The following PIAS2 variants were observed in gnomAD, a reference collection of about 807,000 sequenced individuals.
The protein encoded by PIAS2 is protein inhibitor of activated STAT 2.
PIAS2 carries 19 observed loss-of-function variants against 69.7 expected under a neutral mutation model. The ratio of observed to expected loss-of-function variants is 0.27; its 90% CI spans 0.19 to 0.40. The LOEUF (loss-of-function observed/expected upper bound fraction) is 0.40. PIAS2 is among the 10% of genes least tolerant of loss of function. The probability of loss-of-function intolerance (pLI) is 1.00; values close to 1 mark genes in which losing one functional copy is unlikely to be tolerated. For synonymous variants in PIAS2, 261 were observed against 263.2 expected (o/e 0.99, Z 0.08); for missense variants, 624 against 757.0 (o/e 0.82, Z 2.06).
chr18:46,813,281 C>T (rs1056452107), intron 13 of PIAS2, among the ~76,000 whole-genome samples: 5 of 152,130 alleles, frequency 3.3e-5, no homozygotes, highest in Non-Finnish European at 7.4e-5. Context: ...CTAATCTTCT[C>T]GTGATGCCTG....
At chr18:46,918,600 T>C (rs999408292), upstream of PIAS2, among the ~76,000 whole-genome samples, 1 of 152,110 alleles carries the variant, frequency 6.6e-6, no homozygotes, top group African/African-American at 2.4e-5. Context: ...GATTGTATTT[T>C]TGGTAGAAAC....
intron 8 of PIAS2, among the ~76,000 whole-genome samples, chr18:46,841,529 C>G (rs1243505280): frequency 6.6e-6 from 1 of 152,218 alleles, no homozygotes; most frequent in Non-Finnish European, 1.5e-5. Context: ...CATCTAACTT[C>G]TGTCATCCAT....
intron 13 of PIAS2, among the ~76,000 whole-genome samples, chr18:46,814,239 C>T (rs2041269313): frequency 1.3e-5 from 2 of 152,118 alleles, no homozygotes; most frequent in African/African-American, 4.8e-5. Context: ...GATTCTATGG[C>T]AAACTGAAGG....
rs2040677881 is a variant in PIAS2, at chr18:46,806,252, A to G, written c.*6181T>C. Reference sequence around the variant, plus strand: ...ACTGTGACCTTGGGAAACTTACCTAAACCTGTTTCATTTGTAAAATGGGGA... The same window carrying G: ...ACTGTGACCTTGGGAAACTTACCTAGACCTGTTTCATTTGTAAAATGGGGA... On this transcript the variant is annotated 3_prime_UTR_variant, in exon 14 of 14. Transcript: ENST00000585916. 1 of 151,552 alleles carries G rather than the reference A, an allele frequency of 6.6e-6. No individual in the cohort carries two copies. The highest frequency in any genetic ancestry group is 1.5e-5 in the Non-Finnish European group (1 of 67,910). 9.4% of individuals were successfully genotyped at this position (151,552 alleles called of 1,614,324 possible).
At chr18:46,824,082 C>T (rs72907128) in intron 11 of PIAS2, among the ~76,000 whole-genome samples, 1 of 152,106 alleles carries the variant, frequency 6.6e-6, no homozygotes, top group African/African-American at 2.4e-5. Context: ...TGCAAGTGAC[C>T]ATTTATATTT....
chr18:46,896,584 GA>G (rs1239943744), intron 1 of PIAS2, among the ~76,000 whole-genome samples: 1 of 152,182 alleles, frequency 6.6e-6, no homozygotes, highest in Non-Finnish European at 1.5e-5. Flanking sequence ...CACAAAACAT[GA>G]AATTCAAAAA....
intron 2 of PIAS2, among the ~76,000 whole-genome samples, chr18:46,878,888 C>T (rs932383382): frequency 2.7e-4 from 41 of 152,232 alleles, no homozygotes; most frequent in Admixed American, 2.5e-3. Flanking sequence ...AAAACAAAAA[C>T]AAGAATGCTT....
intron 1 of PIAS2, chr18:46,893,663 G>T (rs1285410269): frequency 6.5e-6 from 1 of 153,812 alleles, no homozygotes; most frequent in Non-Finnish European, 1.4e-5. Flanking sequence ...AAGTATTGCT[G>T]GACACATAGC....
intron 5 of PIAS2, among the ~76,000 whole-genome samples, chr18:46,854,250 T>A (rs966021214): frequency 6.6e-6 from 1 of 152,184 alleles, no homozygotes; most frequent in African/African-American, 2.4e-5. Context: ...TCTGACTTGC[T>A]TGGCTACTCG....
At chr18:46,843,952 CA>C (rs1289801120) in intron 8 of PIAS2, 101 bp downstream of exon 8, 1 of 631,668 alleles carries the variant, frequency 1.6e-6, no homozygotes, top group African/African-American at 1.9e-5. Context: ...AAAAGTTCAG[CA>C]TTCTTCATAA....
At chr18:46,897,316 G>C (rs747573919) in intron 1 of PIAS2, among the ~76,000 whole-genome samples, 1 of 152,148 alleles carries the variant, frequency 6.6e-6, no homozygotes, top group Non-Finnish European at 1.5e-5. Flanking sequence ...AAATGCACAA[G>C]ATAAGCCTAT....
chr18:46,882,881 A>C (rs2052510587), intron 2 of PIAS2, among the ~76,000 whole-genome samples: 1 of 152,106 alleles, frequency 6.6e-6, no homozygotes, highest in Non-Finnish European at 1.5e-5. Context: ...CAGTTGGAAA[A>C]GGTTTTAAGA....
chr18:46,823,179 G>A (rs150265765), intron 11 of PIAS2, among the ~76,000 whole-genome samples: 1 of 151,586 alleles, frequency 6.6e-6, no homozygotes, highest in East Asian at 1.9e-4. Flanking sequence ...GCTGCAGTGA[G>A]CCATGAATGC....
chr18:46,878,188 C>T (rs754404963), intron 2 of PIAS2, among the ~76,000 whole-genome samples: 69 of 152,320 alleles, frequency 4.5e-4, no homozygotes, highest in Non-Finnish European at 7.9e-4. Context: ...TCTCTCTACA[C>T]CTCATTTCAA....
chr18:46,883,173 G>T (rs1350581889), intron 2 of PIAS2, among the ~76,000 whole-genome samples: 1 of 151,294 alleles, frequency 6.6e-6, no homozygotes. Flanking sequence ...AAATAAACTT[G>T]ATATGACTCT....
intron 3 of PIAS2, among the ~76,000 whole-genome samples, chr18:46,862,295 C>CTT (rs2048781790): frequency 3.3e-5 from 5 of 152,070 alleles, no homozygotes; most frequent in Admixed American, 1.3e-4. Flanking sequence ...CATGCTACTG[C>CTT]ACTCACTCCA....
chr18:46,874,714 G>C (rs1373150041), intron 2 of PIAS2, among the ~76,000 whole-genome samples: 1 of 152,110 alleles, frequency 6.6e-6, no homozygotes, highest in Non-Finnish European at 1.5e-5. Flanking sequence ...TGAAACTAAA[G>C]ATCAATTTCT....
chr18:46,846,864 T>G, intron 5 of PIAS2, 23 bp from the exon 6 acceptor site: 1 of 1,530,840 alleles, frequency 6.5e-7, no homozygotes, highest in Non-Finnish European at 8.8e-7. Flanking sequence ...GAAAGAAAAA[T>G]TATTTCAAAT....
chr18:46,904,086 T>C (rs2056260940), intron 1 of PIAS2: 2 of 152,204 alleles, frequency 1.3e-5, no homozygotes, highest in African/African-American at 4.8e-5. Flanking sequence ...CAAGTGTGAC[T>C]ATAAAATAAC....
Sources: allele counts gnomAD v4.1 joint callset (sites outside exome capture counted in the v4.1 genomes callset), GRCh38; gene constraint gnomAD v4.1.1; transcripts MANE v1.5; gene names NCBI Gene and HGNC (gene_info 2026-07-23, HGNC 2026-07-21).